Variants in TPO observed in about 807,000 individuals in gnomAD.
The protein encoded by TPO is thyroid microsomal antigen.
In TPO, 78 loss-of-function variants were observed where a neutral mutation model predicts 96.9. The observed-to-expected ratio is 0.81, with a 90% CI of 0.67 to 0.97. The LOEUF (loss-of-function observed/expected upper bound fraction) is 0.97. TPO is among the 50% of genes least tolerant of loss of function. The pLI, the probability that TPO is intolerant of heterozygous loss-of-function variation, is 0.00. For synonymous variants in TPO, 547 were observed against 538.0 expected, an observed-to-expected ratio of 1.02 and a Z score of -0.23; for missense variants, 1,252 against 1,274.8, an observed-to-expected ratio of 0.98 and a Z score of 0.27.
At chr2:1,470,905 C>A (rs887305646) in intron 7 of TPO, among the ~76,000 whole-genome samples, 1 of 152,230 alleles carries the variant, frequency 6.6e-6, no homozygotes, top group Non-Finnish European at 1.5e-5. Context: ...ATTGTGTGAG[C>A]TACACTGGTA....
intron 15 of TPO, among the ~76,000 whole-genome samples, chr2:1,521,481 C>T (rs1675256346): frequency 6.6e-6 from 1 of 152,090 alleles, no homozygotes; most frequent in Admixed American, 6.5e-5. Context: ...CAGGACCCTC[C>T]TCCCCAGGGA....
rs989681302 is a variant in TPO, at chr2:1,484,543, G to A, written c.1339-53G>A. 35 of 1,612,436 alleles carry A rather than the reference G, an allele frequency of 2.2e-5. No homozygotes were observed. The East Asian group carries it at 4.9e-4, about 23-fold the overall frequency. The stretch of plus-strand genomic sequence containing the variant: ...GCTCTTCCACACTGCCGCTCGAGGC[G>A]ACCCTCCTCTGGTATCCTGGGCCTC... On this transcript the variant is annotated intron_variant, in intron 8 of 16. Coordinates refer to ENST00000329066, the MANE Select transcript of TPO (RefSeq NM_001206744.2).
intron 1 of TPO, among the ~76,000 whole-genome samples, chr2:1,397,434 C>G (rs570684055): frequency 6.6e-6 from 1 of 152,318 alleles, no homozygotes; most frequent in South Asian, 2.1e-4. Flanking sequence ...GAGGAAGATA[C>G]ACCATTCCCT....
intron 8 of TPO, among the ~76,000 whole-genome samples, chr2:1,480,784 C>CCACACCACCTCCCTCCTCCTGCATCCGTG (rs1670525923): frequency 2.0e-5 from 3 of 152,040 alleles, no homozygotes; most frequent in Non-Finnish European, 4.4e-5. Context: ...CTGCATCCGT[C>CCACACCACCTCCCTCCTCCTGCATCCGTG]CACACCACCT....
upstream of TPO, among the ~76,000 whole-genome samples, chr2:1,410,468 T>A (rs1662316669): frequency 6.6e-6 from 1 of 152,188 alleles, no homozygotes; most frequent in South Asian, 2.1e-4. Flanking sequence ...TGGGCCTCGG[T>A]TAGGGAGAGC....
intron 5 of TPO, among the ~76,000 whole-genome samples, chr2:1,437,881 G>T (rs1327786386): frequency 1.3e-5 from 2 of 152,158 alleles, no homozygotes; most frequent in Non-Finnish European, 2.9e-5. Context: ...CAGAGGTGGA[G>T]ATGGCATGTG....
chr2:1,423,401 G>A (rs571576543), intron 3 of TPO, among the ~76,000 whole-genome samples: 7 of 152,304 alleles, frequency 4.6e-5, no homozygotes, highest in Admixed American at 4.6e-4. Flanking sequence ...CTGACGTCCT[G>A]ATAGCAAAAC....
chr2:1,456,508 G>T lies in TPO; in HGVS notation c.819+226G>T, dbSNP rs28910572. 0.055 allele frequency among the ~76,000 whole-genome samples: 3,298 copies of T among 59,714 alleles called. 532 individuals are homozygous for T. The highest frequency in any genetic ancestry group is 0.13 in the East Asian group (220 of 1,690). The allele number at this position is 59,714 out of a possible 152,430, so 39.2% of individuals were successfully genotyped here. A position where few individuals can be genotyped will look rare whatever the true frequency, so the allele number is the denominator to read the frequency against. On this transcript the variant is annotated intron_variant, in intron 7 of 16. Transcript: ENST00000329066. The stretch of plus-strand genomic sequence containing the variant: ...TATATATAGCATGTATGATACTGTG[G>T]GTACACATATATATAGCATGTATGA...
rs1024686594 is a variant in TPO, at chr2:1,503,752, C to T, written c.2387-196C>T. On this transcript the variant is annotated intron_variant, in intron 13 of 16. Transcript: ENST00000329066. Reference sequence around the variant, plus strand: ...CTGCAGGCTCAGAGCCCGTGGCCAGCGCACATCTGTCTGCTCCTCATCACC... The same window carrying T: ...CTGCAGGCTCAGAGCCCGTGGCCAGTGCACATCTGTCTGCTCCTCATCACC... The T allele has an allele frequency of 2.8e-5, 27 of 981,058 alleles. No homozygotes were observed. The Admixed American group carries it at 2.8e-4, about 10-fold the overall frequency. 60.8% of individuals were successfully genotyped at this position (981,058 alleles called of 1,614,324 possible).
chr2:1,534,409 T>A (rs1679050357), intron 15 of TPO, among the ~76,000 whole-genome samples: 1 of 105,108 alleles, frequency 9.5e-6, no homozygotes, highest in Admixed American at 1.1e-4. Flanking sequence ...CCTCCCCAAA[T>A]CCGCCCCCAC....
In TPO at chr2:1,502,058, T is replaced by C. The variant is rs145694620; in HGVS notation, c.2387-1890T>C. On this transcript the variant is annotated intron_variant, in intron 13 of 16. Coordinates refer to ENST00000329066, the MANE Select transcript of TPO (RefSeq NM_001206744.2). ...TGCCATTCCCATTCTGAGGACCCCA[T>C]TGCACATCCCAGGGGATGGAGAGAA... Among the ~76,000 whole-genome samples the C allele has an allele frequency of 2.7e-3, 407 of 152,164 alleles. 2 individuals are homozygous for C. Among genetic ancestry groups the C allele is most frequent in the African/African-American group, 8.8e-3 (364 of 41,512 alleles).
Position 1,487,844 on chromosome 2 carries a change from G to C in TPO, c.1621G>C (p.Gly541Arg). The change falls in exon 10 of 17, where the codon GGC becomes CGC. Residue 541 changes from glycine to arginine, a missense_variant. By Grantham distance (125) the Gly-to-Arg change is moderately radical (BLOSUM62 -2). Coordinates refer to ENST00000329066, the MANE Select transcript of TPO (RefSeq NM_001206744.2). ...AGGTGGTTTGGACCCACTAATACGA[G>C]GCCTTCTTGCAAGACCAGCCAAACT... ...RGGGLDPLIR[G>R]LLARPAKLQV... 1.2e-6 allele frequency: 2 copies of C among 1,614,228 alleles called. No homozygotes were observed. Among genetic ancestry groups the C allele is most frequent in the South Asian group, 1.1e-5 (1 of 91,090 alleles).
At chr2:1,415,554 C>G (rs1268576289) in intron 2 of TPO, among the ~76,000 whole-genome samples, 2 of 149,400 alleles carry the variant, frequency 1.3e-5, no homozygotes, top group African/African-American at 5.0e-5. Flanking sequence ...CCGGGCAGGT[C>G]CCTGGGTCTC....
At chr2:1,458,013 T>C (rs920582974) in intron 7 of TPO, among the ~76,000 whole-genome samples, 5 of 148,698 alleles carry the variant, frequency 3.4e-5, no homozygotes, top group Non-Finnish European at 3.0e-5. Context: ...GCATATAAGA[T>C]AGTGTGTGGG....
At chr2:1,527,035 T>TC (rs1416838660) in intron 15 of TPO, among the ~76,000 whole-genome samples, 1 of 22,068 alleles carries the variant, frequency 4.5e-5, no homozygotes, top group African/African-American at 1.9e-4. Flanking sequence ...CCTCCTCAAA[T>TC]CCCCCCACTG....
chr2:1,478,330 C>G, intron 8 of TPO: 1 of 985,434 alleles, frequency 1.0e-6, no homozygotes, highest in Non-Finnish European at 1.2e-6. Context: ...ATGCGAGTCA[C>G]CGTGTGTGTC....
intron 7 of TPO, among the ~76,000 whole-genome samples, chr2:1,472,488 G>A (rs1669515499): frequency 3.9e-5 from 6 of 152,206 alleles, no homozygotes; most frequent in Admixed American, 3.9e-4. Flanking sequence ...AGACTATGCT[G>A]AGTACACGTT....
chr2:1,474,726 C>T (rs1435082395), intron 7 of TPO, among the ~76,000 whole-genome samples: 2 of 152,206 alleles, frequency 1.3e-5, no homozygotes, highest in Non-Finnish European at 2.9e-5. Flanking sequence ...ACCGCATATA[C>T]AGTCGCTCCT....
chr2:1,422,305 C>CTCTCCTGGACAGACCTCGTGCAGGCGCA (rs1268318304), intron 2 of TPO, among the ~76,000 whole-genome samples: 1 of 142,882 alleles, frequency 7.0e-6, no homozygotes, highest in African/African-American at 2.6e-5. Context: ...CCGCAGGCGC[C>CTCTCCTGGACAGACCTCGTGCAGGCGCA]TCTCCTGGAC....
Sources: allele counts gnomAD v4.1 joint callset (sites outside exome capture counted in the v4.1 genomes callset), GRCh38; gene constraint gnomAD v4.1.1; transcripts MANE v1.5; gene names NCBI Gene and HGNC (gene_info 2026-07-23, HGNC 2026-07-21).